The following RERGL variants were observed in gnomAD, a reference collection of about 807,000 sequenced individuals.
RERGL encodes ras-related and estrogen-regulated growth inhibitor-like protein.
In RERGL, 22 loss-of-function variants were observed where a neutral mutation model predicts 24.7. That is an observed-to-expected ratio of 0.89 (90% CI 0.64 to 1.27). The LOEUF (loss-of-function observed/expected upper bound fraction) is 1.27. Ranked by LOEUF, RERGL falls within the 50% of genes most tolerant of loss-of-function variation. The pLI, the probability that RERGL is intolerant of heterozygous loss-of-function variation, is 0.00. For synonymous variants in RERGL, 76 were observed against 82.6 expected (o/e 0.92, Z 0.43); for missense variants, 259 against 235.3 (o/e 1.10, Z -0.66).
chr12:18,083,067 A>C (rs1035442358), intron 4 of RERGL, among the ~76,000 whole-genome samples: 5 of 152,146 alleles, frequency 3.3e-5, no homozygotes, highest in African/African-American at 1.2e-4. Flanking sequence ...GGTTTCATTC[A>C]AATGACAATG....
chr12:18,084,812 C>T, intron 3 of RERGL, 147 bp from the exon 4 acceptor site: 1 of 549,622 alleles, frequency 1.8e-6, no homozygotes, highest in Non-Finnish European at 3.0e-6. Context: ...AGTTCTGTTT[C>T]TCTCTTATTG....
In RERGL at chr12:18,081,474, C is replaced by G. The variant is rs372148369; in HGVS notation, c.333-1G>C. 86 of 1,575,550 alleles carry G rather than the reference C, an allele frequency of 5.5e-5. No individual in the cohort carries two copies. The highest frequency in any genetic ancestry group is 6.1e-5 in the Non-Finnish European group (71 of 1,157,900). On this transcript the variant is annotated splice_acceptor_variant, in intron 4 of 4. Coordinates refer to ENST00000538724, the MANE Select transcript of RERGL (RefSeq NM_001286201.2). LOFTEE classifies it high-confidence loss of function. ...CAAAAACACTGCTGATTCCACAGCTCTGAAATAGAGATACACAATTTTTAG... is the reference window on the plus strand; with the variant it reads ...CAAAAACACTGCTGATTCCACAGCTGTGAAATAGAGATACACAATTTTTAG...
chr12:18,087,545 G>C (rs1947231943), intron 2 of RERGL, among the ~76,000 whole-genome samples: 1 of 152,082 alleles, frequency 6.6e-6, no homozygotes. Flanking sequence ...ACAAAGTGGA[G>C]TCATTTTTGC....
At chr12:18,084,337 T>C (rs1947198991) in intron 4 of RERGL, among the ~76,000 whole-genome samples, 180 bp downstream of exon 4, 1 of 152,178 alleles carries the variant, frequency 6.6e-6, no homozygotes, top group African/African-American at 2.4e-5. Flanking sequence ...AGCGAGGATA[T>C]AAAGCATTCT....
intron 4 of RERGL, 133 bp downstream of exon 4, chr12:18,084,384 G>T: frequency 1.5e-6 from 1 of 688,024 alleles, no homozygotes; most frequent in Non-Finnish European, 2.3e-6. Context: ...AACTCCTGTG[G>T]AATAGGAAGG....
chr12:18,085,528 T>G, intron 3 of RERGL, 92 bp downstream of exon 3: 3 of 851,184 alleles, frequency 3.5e-6, no homozygotes, highest in Non-Finnish European at 5.5e-6. Flanking sequence ...CTTTTCACTT[T>G]TTTCACTTAC....
chr12:18,085,572 A>C (rs1438708660), intron 3 of RERGL, 48 bp downstream of exon 3: 10 of 1,259,156 alleles, frequency 7.9e-6, no homozygotes, highest in Non-Finnish European at 1.1e-5. Context: ...ATTGCTAAAA[A>C]ATCAATCAAT....
intron 4 of RERGL, 45 bp from the exon 5 acceptor site, chr12:18,081,518 TC>T: frequency 2.8e-5 from 31 of 1,094,372 alleles, no homozygotes; most frequent in South Asian, 6.0e-5. Flanking sequence ...TTTTAACAAC[TC>T]TTTTTTTTAA....
chr12:18,089,299 G>C, intron 1 of RERGL: 1 of 1,590,856 alleles, frequency 6.3e-7, no homozygotes. Context: ...TATTTTCTCT[G>C]TCAAACTCAG....
Position 18,090,074 on chromosome 12 carries a change from G to C in RERGL, c.52+15C>G, listed in dbSNP as rs1009532869. ...TTCTACACTCTATGATAACAGAGAAGATGTCACCACTCACCAGATTTGCCT... is the reference window on the plus strand; with the variant it reads ...TTCTACACTCTATGATAACAGAGAACATGTCACCACTCACCAGATTTGCCT... On this transcript the variant is annotated intron_variant, in intron 1 of 4. Transcript: ENST00000538724. 2.0e-6 allele frequency: 3 copies of C among 1,526,554 alleles called. No homozygotes were observed. The highest frequency in any genetic ancestry group is 2.6e-6 in the Non-Finnish European group (3 of 1,141,510). The allele number at this position is 1,526,554 out of a possible 1,614,324, so 94.6% of individuals were successfully genotyped here. A position where few individuals can be genotyped will look rare whatever the true frequency, so the allele number is the denominator to read the frequency against.
At chr12:18,084,697 G>A in intron 3 of RERGL, 32 bp from the exon 4 acceptor site, 1 of 1,596,498 alleles carries the variant, frequency 6.3e-7, no homozygotes, top group Non-Finnish European at 8.5e-7. Context: ...TAAAAGTGGT[G>A]GGATCTAATA....
rs766243721 is a variant in RERGL, at chr12:18,084,584, A to T, written c.265T>A (p.Ser89Thr). 29 of 1,613,036 alleles carry T rather than the reference A, an allele frequency of 1.8e-5. No homozygotes were observed. The highest frequency in any genetic ancestry group is 2.3e-5 in the Non-Finnish European group (27 of 1,179,594). Residue 89 changes from serine (S) to threonine (T), a missense_variant, in exon 4 of 5, where the codon TCT (serine) becomes ACT (threonine). Physicochemically the swap from Ser to Thr is moderately conservative, Grantham distance 58. Transcript: ENST00000538724. ...FVIVYDISDR[S>T]SFAFAKALIY... is the part of the protein sequence containing the mutation. ...AGCGCTTTTGCAAAAGCAAATGAAG[A>T]CCTATCACTGATGTCATACACAATA...
In RERGL at chr12:18,080,881, G is replaced by A. The variant is rs927746025; in HGVS notation, c.*310C>T. On this transcript the variant is annotated 3_prime_UTR_variant, in exon 5 of 5. Transcript: ENST00000538724. Reference sequence around the variant, plus strand: ...GTAAACCACAAACTATGGCATGGTCGTTTAATAAATTCACATAAACAGAGT... The same window carrying A: ...GTAAACCACAAACTATGGCATGGTCATTTAATAAATTCACATAAACAGAGT... 1.7e-4 allele frequency: 33 copies of A among 196,412 alleles called. No homozygotes were observed. Among genetic ancestry groups the A allele is most frequent in the Admixed American group, 5.6e-4 (10 of 17,934 alleles). The allele number at this position is 196,412 out of a possible 1,614,324, so 12.2% of individuals were successfully genotyped here. A position where few individuals can be genotyped will look rare whatever the true frequency, so the allele number is the denominator to read the frequency against.
At position 18,088,968 on chromosome 12, in the gene RERGL, A is replaced by G. The variant is rs778110385; in HGVS notation, c.53-12T>C. On this transcript the variant is annotated splice_polypyrimidine_tract_variant and intron_variant, in intron 1 of 4. Coordinates refer to ENST00000538724, the MANE Select transcript of RERGL (RefSeq NM_001286201.2). ...CCTCACTGTAAGGGCTGCAAAGCAA[A>G]CAATCTAGATTTAGGGCTGTTATAT... 1 of 1,602,874 alleles carries G rather than the reference A, an allele frequency of 6.2e-7. No individual in the cohort carries two copies. The highest frequency in any genetic ancestry group is 8.5e-7 in the Non-Finnish European group (1 of 1,170,172).
At chr12:18,089,954 C>T in intron 1 of RERGL, 135 bp downstream of exon 1, 1 of 573,206 alleles carries the variant, frequency 1.7e-6, no homozygotes, top group Non-Finnish European at 2.7e-6. Context: ...GCCTATCATC[C>T]CAGTGAGATA....
At chr12:18,083,209 A>T (rs1466591238) in intron 4 of RERGL, among the ~76,000 whole-genome samples, 1 of 152,174 alleles carries the variant, frequency 6.6e-6, no homozygotes, top group Non-Finnish European at 1.5e-5. Flanking sequence ...ATATAATTTA[A>T]TGAAATAGTG....
At chr12:18,088,068 T>A (rs1283096308) in intron 2 of RERGL, among the ~76,000 whole-genome samples, 1 of 152,112 alleles carries the variant, frequency 6.6e-6, no homozygotes, top group Non-Finnish European at 1.5e-5. Context: ...AAAAATACAC[T>A]TGCAATCATA....
chr12:18,089,122 G>A, intron 1 of RERGL, 166 bp from the exon 2 acceptor site: 1 of 1,132,918 alleles, frequency 8.8e-7, no homozygotes, highest in Non-Finnish European at 1.3e-6. Flanking sequence ...ATATTTCCAT[G>A]GTACAAACAA....
chr12:18,088,752 G>A, intron 2 of RERGL, 148 bp downstream of exon 2: 1 of 632,194 alleles, frequency 1.6e-6, no homozygotes, highest in Non-Finnish European at 2.8e-6. Context: ...TACCTATTTT[G>A]GCAGTTCTAA....
Sources: gnomAD v4.1 joint callset for allele counts (sites outside exome capture counted in the v4.1 genomes callset) on GRCh38, gnomAD v4.1.1 for gene constraint, MANE v1.5 for transcripts, NCBI Gene and HGNC (gene_info 2026-07-23, HGNC 2026-07-21) for gene names.